ZC3H12B: variants seen among roughly 807,000 people sequenced by gnomAD.
The protein encoded by ZC3H12B is zinc finger CCCH-type containing 12B.
A neutral mutation model predicts 43.9 loss-of-function variants in ZC3H12B; 7 were observed. The observed-to-expected ratio is 0.16, with a 90% CI of 0.09 to 0.30. ZC3H12B has a LOEUF of 0.30. Among genes scored for constraint, ZC3H12B ranks in the 10% least tolerant of loss-of-function variants. The pLI is 1.00. For missense variants in ZC3H12B, 475 were observed against 670.2 expected (o/e 0.71, Z 3.22); for synonymous variants, 222 against 241.7 (o/e 0.92, Z 0.76).
chrX:65,371,274 C>G (rs1366615697), intron 2 of ZC3H12B, among the ~76,000 whole-genome samples: 1 of 111,490 alleles, frequency 9.0e-6, no homozygotes, highest in South Asian at 3.7e-4. Context: ...AAATATCCAC[C>G]ATCTCATTTG....
intron 3 of ZC3H12B, among the ~76,000 whole-genome samples, chrX:65,455,884 A>G (rs2067601346): frequency 8.9e-6 from 1 of 111,959 alleles, no homozygotes; most frequent in Admixed American, 9.5e-5. Flanking sequence ...ACTAAGCTTC[A>G]TAAGTGAAGG....
the ZC3H12B span, among the ~76,000 whole-genome samples, chrX:65,037,093 A>G: frequency 2.7e-5 from 3 of 110,294 alleles, no homozygotes; most frequent in East Asian, 8.5e-4. Context: ...AGAAACAGCA[A>G]TTTACCAGTT....
the ZC3H12B span, among the ~76,000 whole-genome samples, chrX:65,202,465 A>T: frequency 9.1e-6 from 1 of 109,785 alleles, no homozygotes. Flanking sequence ...AATCCCAGTA[A>T]TGCTGTGGCT....
chrX:65,395,535 C>T (rs2066685064), intron 2 of ZC3H12B, among the ~76,000 whole-genome samples: 1 of 112,145 alleles, frequency 8.9e-6, no homozygotes, highest in African/African-American at 3.2e-5. Flanking sequence ...GTTGGACTAG[C>T]CTTGCATCTC....
chrX:65,131,792 G>A, the ZC3H12B span, among the ~76,000 whole-genome samples: 1 of 111,510 alleles, frequency 9.0e-6, no homozygotes, highest in Non-Finnish European at 1.9e-5. Flanking sequence ...TGTGAAGGTA[G>A]GTAACGGATG....
At chrX:65,169,697 A>G in the ZC3H12B span, among the ~76,000 whole-genome samples, 2 of 111,893 alleles carry the variant, frequency 1.8e-5, no homozygotes, top group Admixed American at 1.9e-4. Flanking sequence ...ATATGGACTT[A>G]CTTTATGAAT....
chrX:65,474,056 G>A (rs2067961392), intron 3 of ZC3H12B, among the ~76,000 whole-genome samples: 1 of 111,686 alleles, frequency 9.0e-6, no homozygotes, highest in South Asian at 3.7e-4. Flanking sequence ...ATCTGATATT[G>A]TGAATGGGGT....
chrX:65,204,982 A>G, the ZC3H12B span, among the ~76,000 whole-genome samples: 1 of 111,907 alleles, frequency 8.9e-6, no homozygotes, highest in Non-Finnish European at 1.9e-5. Flanking sequence ...GTTGTTATTC[A>G]AAACTACTAT....
the ZC3H12B span, among the ~76,000 whole-genome samples, chrX:65,153,969 C>G: frequency 9.0e-6 from 1 of 110,964 alleles, no homozygotes; most frequent in African/African-American, 3.3e-5. Flanking sequence ...TCTCAGTAAA[C>G]TATTGCAAGG....
the ZC3H12B span, among the ~76,000 whole-genome samples, chrX:65,099,703 A>C: frequency 4.5e-5 from 5 of 111,357 alleles, no homozygotes; most frequent in Admixed American, 1.9e-4. Flanking sequence ...GACCCCCCAC[A>C]CACACACAGA....
At chrX:65,439,641 C>G (rs997186665) in intron 3 of ZC3H12B, among the ~76,000 whole-genome samples, 1 of 112,042 alleles carries the variant, frequency 8.9e-6, no homozygotes, top group East Asian at 2.8e-4. Flanking sequence ...AGAATGATTG[C>G]ATCCAGGCAT....
At chrX:65,249,493 A>G in the ZC3H12B span, among the ~76,000 whole-genome samples, 1 of 111,997 alleles carries the variant, frequency 8.9e-6, no homozygotes, top group Non-Finnish European at 1.9e-5. Context: ...AGGTTATGTG[A>G]TGCCTCCAGT....
At chrX:65,212,481 A>T in the ZC3H12B span, among the ~76,000 whole-genome samples, 173 of 67,783 alleles carry the variant, frequency 2.6e-3, no homozygotes, top group Non-Finnish European at 3.7e-3. Context: ...TATATAAATA[A>T]TATATATTAT....
the ZC3H12B span, among the ~76,000 whole-genome samples, chrX:65,262,104 G>A: frequency 2.7e-5 from 3 of 110,572 alleles, no homozygotes; most frequent in African/African-American, 3.3e-5. Flanking sequence ...TTATTTGAAA[G>A]GAAGTACTTT....
At chrX:65,071,185 G>A in the ZC3H12B span, among the ~76,000 whole-genome samples, 12 of 109,325 alleles carry the variant, frequency 1.1e-4, no homozygotes, top group Non-Finnish European at 2.3e-4. Flanking sequence ...TTGTTAAGTT[G>A]TACCCTTTAC....
chrX:65,153,208 G>T, the ZC3H12B span, among the ~76,000 whole-genome samples: 1 of 111,983 alleles, frequency 8.9e-6, no homozygotes, highest in South Asian at 3.7e-4. Flanking sequence ...AAAAGCAATG[G>T]CAACAAAAGC....
At chrX:65,212,331 A>G in the ZC3H12B span, among the ~76,000 whole-genome samples, 1 of 51,597 alleles carries the variant, frequency 1.9e-5, no homozygotes, top group Non-Finnish European at 3.1e-5. Context: ...TTTATATTAT[A>G]TAATATATAA....
chrX:65,456,363 A>T (rs1314012405), intron 3 of ZC3H12B, among the ~76,000 whole-genome samples: 1 of 107,274 alleles, frequency 9.3e-6, no homozygotes, highest in Non-Finnish European at 1.9e-5. Flanking sequence ...ACCAACAAAG[A>T]TCAAAAGAGA....
At chrX:65,247,886 T>C in the ZC3H12B span, among the ~76,000 whole-genome samples, 1 of 112,148 alleles carries the variant, frequency 8.9e-6, no homozygotes, top group African/African-American at 3.2e-5. Context: ...ATAATAAACG[T>C]TTAAAAAGTG....
Sources: allele counts gnomAD v4.1 joint callset (sites outside exome capture counted in the v4.1 genomes callset), GRCh38; gene constraint gnomAD v4.1.1; transcripts MANE v1.5; gene names NCBI Gene and HGNC (gene_info 2026-07-23, HGNC 2026-07-21).